TEAD1: variants seen among roughly 807,000 people sequenced by gnomAD.
TEAD1 encodes the protein TEA domain transcription factor 1, also known as transcriptional enhancer factor TEF-1.
Under a neutral mutation model 54.9 loss-of-function variants are expected in TEAD1, and 9 were observed. That is an observed-to-expected ratio of 0.16 (90% CI 0.10 to 0.29). The LOEUF (loss-of-function observed/expected upper bound fraction) is 0.29. Among genes scored for constraint, TEAD1 ranks in the 10% least tolerant of loss-of-function variants. The pLI is 1.00. For missense variants in TEAD1, 387 were observed against 535.9 expected, an observed-to-expected ratio of 0.72 and a Z score of 2.74; for synonymous variants, 200 against 187.8, an observed-to-expected ratio of 1.07 and a Z score of -0.53.
chr11:12,830,496 A>C (rs1946750894), intron 3 of TEAD1, among the ~76,000 whole-genome samples: 1 of 152,070 alleles, frequency 6.6e-6, no homozygotes, highest in Non-Finnish European at 1.5e-5. Flanking sequence ...AGAAGCAGGC[A>C]GGGAGTGGTG....
intron 9 of TEAD1, among the ~76,000 whole-genome samples, chr11:12,890,320 A>G (rs1009635232): frequency 6.6e-6 from 1 of 152,212 alleles, no homozygotes; most frequent in Non-Finnish European, 1.5e-5. Context: ...AGGGCCTTCC[A>G]CATTGGGTAG....
At chr11:12,848,340 G>T (rs1452445067) in intron 3 of TEAD1, among the ~76,000 whole-genome samples, 1 of 152,152 alleles carries the variant, frequency 6.6e-6, no homozygotes, top group Admixed American at 6.5e-5. Flanking sequence ...GAGAGTTGAG[G>T]CTTTATTCTT....
At chr11:12,735,697 A>G (rs1367952579) in intron 2 of TEAD1, among the ~76,000 whole-genome samples, 1 of 151,100 alleles carries the variant, frequency 6.6e-6, no homozygotes, top group Admixed American at 6.6e-5. Flanking sequence ...TCCCACCACC[A>G]CTCTGCTCCC....
At chr11:12,914,177 C>T (rs771792781) in intron 10 of TEAD1, among the ~76,000 whole-genome samples, 10 of 152,244 alleles carry the variant, frequency 6.6e-5, no homozygotes, top group Non-Finnish European at 1.0e-4. Flanking sequence ...GCAGTGCAGA[C>T]GGGCAGCCTT....
At chr11:12,920,167 C>T (rs188136065) in intron 10 of TEAD1, among the ~76,000 whole-genome samples, 25 of 152,206 alleles carry the variant, frequency 1.6e-4, no homozygotes, top group African/African-American at 5.3e-4. Context: ...TAAAGGAAGG[C>T]GGTCTTAAAA....
At chr11:12,819,439 C>T (rs11022513) in intron 3 of TEAD1, among the ~76,000 whole-genome samples, 74,286 of 151,856 alleles carry the variant, frequency 0.49, 19,585 homozygotes, top group Non-Finnish European at 0.58. Context: ...TTGTGTTTCA[C>T]GGTAACAAAG....
chr11:12,776,231 G>A (rs1017043803), intron 3 of TEAD1, among the ~76,000 whole-genome samples: 7 of 152,152 alleles, frequency 4.6e-5, no homozygotes, highest in South Asian at 2.1e-4. Context: ...GCTCAGAGAC[G>A]CATAATTCCA....
At chr11:12,700,892 G>T (rs945618327) in intron 2 of TEAD1, among the ~76,000 whole-genome samples, 1 of 152,120 alleles carries the variant, frequency 6.6e-6, no homozygotes, top group Non-Finnish European at 1.5e-5. Flanking sequence ...GATCACAGTC[G>T]CTCCACTGCA....
chr11:12,724,844 AG>A (rs933824899), intron 2 of TEAD1, among the ~76,000 whole-genome samples: 39 of 152,148 alleles, frequency 2.6e-4, no homozygotes, highest in African/African-American at 8.7e-4. Context: ...TCCAGTAGGC[AG>A]CCTTCCCCAC....
chr11:12,824,136 G>A (rs1313309752), intron 3 of TEAD1, among the ~76,000 whole-genome samples: 3 of 152,162 alleles, frequency 2.0e-5, no homozygotes, highest in African/African-American at 7.2e-5. Context: ...TTTTCAAACA[G>A]TATTTTCTGT....
chr11:12,903,091 C>T (rs898707380), intron 10 of TEAD1, among the ~76,000 whole-genome samples: 1 of 152,110 alleles, frequency 6.6e-6, no homozygotes, highest in Non-Finnish European at 1.5e-5. Flanking sequence ...TGAATGCTTG[C>T]TTTGTGCTAG....
chr11:12,859,889 G>A (rs1008495388), intron 3 of TEAD1, among the ~76,000 whole-genome samples: 1 of 152,164 alleles, frequency 6.6e-6, no homozygotes, highest in African/African-American at 2.4e-5. Context: ...GGCATATATT[G>A]ATAATTTATT....
At chr11:12,757,720 C>G (rs937720832) in intron 2 of TEAD1, among the ~76,000 whole-genome samples, 1 of 152,156 alleles carries the variant, frequency 6.6e-6, no homozygotes, top group African/African-American at 2.4e-5. Flanking sequence ...TAATCTCAGT[C>G]ATGTTGTTAT....
intron 10 of TEAD1, among the ~76,000 whole-genome samples, chr11:12,923,264 T>C (rs1330855390): frequency 5.3e-5 from 8 of 152,110 alleles, no homozygotes; most frequent in African/African-American, 1.9e-4. Flanking sequence ...TGCTTTCTCT[T>C]TAGCGCTTCT....
At chr11:12,693,019 C>T (rs1486966998) in intron 2 of TEAD1, among the ~76,000 whole-genome samples, 1 of 152,152 alleles carries the variant, frequency 6.6e-6, no homozygotes, top group Non-Finnish European at 1.5e-5. Flanking sequence ...TGGTCCTGTG[C>T]TTAATGTCTT....
At chr11:12,764,495 T>C in intron 3 of TEAD1, 61 bp downstream of exon 3, 2 of 1,578,582 alleles carry the variant, frequency 1.3e-6, no homozygotes, top group Non-Finnish European at 1.7e-6. Flanking sequence ...AGGGGATAGA[T>C]TGTAGCTGGT....
intron 10 of TEAD1, among the ~76,000 whole-genome samples, chr11:12,903,458 T>C (rs1313663001): frequency 6.6e-6 from 1 of 152,262 alleles, no homozygotes; most frequent in African/African-American, 2.4e-5. Flanking sequence ...TAAATTAGTT[T>C]GTTTCGTTTC....
Position 12,944,124 on chromosome 11 carries a change from G to A in TEAD1, c.*6902G>A, listed in dbSNP as rs955493893. 5 of 152,638 alleles carry A rather than the reference G, an allele frequency of 3.3e-5. No individual in the cohort carries two copies. Among genetic ancestry groups the A allele is most frequent in the African/African-American group, 1.2e-4 (5 of 41,432 alleles). 9.5% of individuals were successfully genotyped at this position (152,638 alleles called of 1,614,324 possible). On this transcript the variant is annotated 3_prime_UTR_variant, in exon 13 of 13. Coordinates refer to ENST00000527636, the MANE Select transcript of TEAD1 (RefSeq NM_021961.6). The stretch of plus-strand genomic sequence containing the variant: ...CACGTGTATAAAATGGGCTTGTGAT[G>A]TAAGCGTTTCATCTGGTCAGTGGTT...
At chr11:12,870,537 C>CA (rs1947723841) in intron 5 of TEAD1, among the ~76,000 whole-genome samples, 2 of 151,870 alleles carry the variant, frequency 1.3e-5, no homozygotes, top group Non-Finnish European at 2.9e-5. Flanking sequence ...TTTATACATT[C>CA]AGAGTTGTGG....
Sources: allele counts gnomAD v4.1 joint callset (sites outside exome capture counted in the v4.1 genomes callset), GRCh38; gene constraint gnomAD v4.1.1; transcripts MANE v1.5; gene names NCBI Gene and HGNC (gene_info 2026-07-23, HGNC 2026-07-21).